Variants in GPRC5B observed in about 807,000 individuals in gnomAD.
GPRC5B encodes G protein-coupled receptor class C group 5 member B.
In GPRC5B, 16 loss-of-function variants were observed where a neutral mutation model predicts 30.1. The ratio of observed to expected loss-of-function variants is 0.53; its 90% CI spans 0.36 to 0.81. The LOEUF is 0.81. Among genes scored for constraint, GPRC5B ranks in the 30% least tolerant of loss-of-function variants. GPRC5B has a pLI of 0.01. For synonymous variants in GPRC5B, 241 were observed against 239.5 expected, an observed-to-expected ratio of 1.01 and a Z score of -0.06; for missense variants, 428 against 544.7, an observed-to-expected ratio of 0.79 and a Z score of 2.13.
Position 19,857,420 on chromosome 16 carries a change from T to G in GPRC5B, c.*3080A>C, listed in dbSNP as rs2056575458. 1 of 439,648 alleles carries G rather than the reference T, an allele frequency of 2.3e-6. No homozygotes were observed. Among genetic ancestry groups the G allele is most frequent in the African/African-American group, 2.0e-5 (1 of 48,904 alleles). The allele number at this position is 439,648 out of a possible 1,614,324, so 27.2% of individuals were successfully genotyped here. On this transcript the variant is annotated 3_prime_UTR_variant, in exon 4 of 4. Coordinates refer to ENST00000300571, the MANE Select transcript of GPRC5B (RefSeq NM_016235.3). ...TATAGTCGTTTATGGTACATATTGA[T>G]TGTCTTGAAATTTCTTTAACTTCTT...
intron 2 of GPRC5B, among the ~76,000 whole-genome samples, chr16:19,871,042 G>T (rs571977105): frequency 1.3e-5 from 2 of 151,896 alleles, no homozygotes; most frequent in Non-Finnish European, 2.9e-5. Flanking sequence ...CCAGAGTTTT[G>T]GGAGGCTGAG....
rs757229231 is a variant in GPRC5B, at chr16:19,872,876, G to A, written c.-1-30C>T. 8.5e-6 allele frequency: 13 copies of A among 1,531,308 alleles called. No individual in the cohort carries two copies. The highest frequency in any genetic ancestry group is 5.1e-5 in the Admixed American group (3 of 58,298). 94.9% of individuals were successfully genotyped at this position (1,531,308 alleles called of 1,614,324 possible). On this transcript the variant is annotated intron_variant, in intron 1 of 3. Coordinates refer to ENST00000300571, the MANE Select transcript of GPRC5B (RefSeq NM_016235.3). This position sits in a 1 kb window ranked among gnomAD's most constrained non-coding sequence, Gnocchi z 5.0. ...AAAAGCCAAGAGGGGAATGGTTGGG[G>A]GGAAGGAAAGATGAATTCATTGGAA...
At chr16:19,870,065 A>G (rs1306573955) in intron 2 of GPRC5B, among the ~76,000 whole-genome samples, 1 of 152,034 alleles carries the variant, frequency 6.6e-6, no homozygotes, top group Non-Finnish European at 1.5e-5. Context: ...ACAGAGCGAG[A>G]CTCAATCCAT....
chr16:19,862,136 C>G, intron 2 of GPRC5B, 163 bp from the exon 3 acceptor site: 1 of 628,954 alleles, frequency 1.6e-6, no homozygotes, highest in Non-Finnish European at 2.8e-6. Context: ...CACAAAGGGG[C>G]TTTGTTCTCA....
chr16:19,875,414 T>C (rs572992509), intron 1 of GPRC5B, among the ~76,000 whole-genome samples: 8 of 152,366 alleles, frequency 5.3e-5, no homozygotes, highest in African/African-American at 9.6e-5. Context: ...GGTTATTTAC[T>C]TAACTTTTGA....
Position 19,872,652 on chromosome 16 carries a change from GC to G in GPRC5B, c.193del (p.Ala65ArgfsTer4). 6.2e-7 allele frequency: 1 copy of G among 1,613,988 alleles called. No individual in the cohort carries two copies. The highest frequency in any genetic ancestry group is 8.5e-7 in the Non-Finnish European group (1 of 1,179,880). ...CAGGAGCAGTGTGATCAGGGCGCCC[GC>G]CCCGGCCACCGCCTCCACCACAATG... is the stretch of plus-strand genomic sequence containing the variant. ...WGIVVEAVAG[A>X]GALITLLLML... is the part of the protein sequence containing the mutation. On this transcript the variant is annotated frameshift_variant, in exon 2 of 4. Transcript: ENST00000300571. LOFTEE classifies it high-confidence loss of function. The surrounding 1 kb of genome is among the most constrained non-coding windows in gnomAD (Gnocchi z 5.0).
intron 2 of GPRC5B, among the ~76,000 whole-genome samples, chr16:19,864,517 G>A (rs2056651605): frequency 6.6e-6 from 1 of 152,276 alleles, no homozygotes; most frequent in East Asian, 1.9e-4. Context: ...TCACTCAGTG[G>A]AAGGATATAG....
intron 1 of GPRC5B, among the ~76,000 whole-genome samples, chr16:19,875,878 A>T (rs2056756074): frequency 6.6e-6 from 1 of 152,228 alleles, no homozygotes; most frequent in Non-Finnish European, 1.5e-5. Flanking sequence ...TTGGAGAAAC[A>T]TCATCCTAGC....
At chr16:19,867,835 A>C (rs551507319) in intron 2 of GPRC5B, among the ~76,000 whole-genome samples, 26 of 152,162 alleles carry the variant, frequency 1.7e-4, no homozygotes, top group Non-Finnish European at 2.8e-4. Context: ...GCAGATCGTG[A>C]GGTCAGGAGT....
chr16:19,877,125 A>G (rs533215374), intron 1 of GPRC5B, among the ~76,000 whole-genome samples: 1 of 152,346 alleles, frequency 6.6e-6, no homozygotes, highest in East Asian at 1.9e-4. Flanking sequence ...GTCTGAGAGT[A>G]AAGCTGTCCC....
chr16:19,868,078 C>T (rs1597626311), intron 2 of GPRC5B, among the ~76,000 whole-genome samples: 1 of 149,550 alleles, frequency 6.7e-6, no homozygotes, highest in Non-Finnish European at 1.5e-5. Context: ...AAAAACAAAA[C>T]AAAACGAAAA....
At chr16:19,884,233 AC>A (rs1382401873) in intron 1 of GPRC5B, among the ~76,000 whole-genome samples, 3 of 127,700 alleles carry the variant, frequency 2.3e-5, no homozygotes, top group Non-Finnish European at 5.0e-5. Flanking sequence ...TGCGGGCTTG[AC>A]CCCCAGCCCC....
chr16:19,870,678 A>C (rs183452), intron 2 of GPRC5B, among the ~76,000 whole-genome samples: 53,291 of 152,112 alleles, frequency 0.35, 9,528 homozygotes, highest in African/African-American at 0.41. Context: ...ACATGGGTTG[A>C]AGACTCAAAT....
Position 19,872,021 on chromosome 16 carries a change from C to T in GPRC5B, c.825G>A (p.Thr275=), listed in dbSNP as rs138370922. 42 of 1,613,912 alleles carry T rather than the reference C, an allele frequency of 2.6e-5. 1 individual carries two copies. Among genetic ancestry groups the T allele is most frequent in the South Asian group, 1.8e-4 (16 of 91,070 alleles). Residue 275 remains threonine (T), a synonymous_variant, in exon 2 of 4, where the codon ACG becomes ACA. Coordinates refer to ENST00000300571, the MANE Select transcript of GPRC5B (RefSeq NM_016235.3). The surrounding 1 kb of genome is among the most constrained non-coding windows in gnomAD (Gnocchi z 5.0). ...DAWNDPTLAI[T]LAASGWVFVI... ...CGAAGACCCAGCCGCTGGCCGCCAGCGTGATGGCCAAGGTGGGGTCGTTCC... is the reference window on the plus strand; with the variant it reads ...CGAAGACCCAGCCGCTGGCCGCCAGTGTGATGGCCAAGGTGGGGTCGTTCC...
chr16:19,872,767 C>A lies in GPRC5B; in HGVS notation c.79G>T (p.Ala27Ser). The change falls in exon 2 of 4, where the codon GCC (alanine) becomes TCC (serine). Residue 27 changes from alanine to serine, a missense_variant. Ala to Ser is a moderately conservative substitution (Grantham distance 99). Transcript: ENST00000300571. This position sits in a 1 kb window ranked among gnomAD's most constrained non-coding sequence, Gnocchi z 5.0. ...FLLLFVITSV[A>S]SENASTSRGC... Reference sequence around the variant, plus strand: ...CGGGATGTGCTGGCGTTTTCAGAGGCCACCGAGGTGATCACGAAGAGCAGG... The same window carrying A: ...CGGGATGTGCTGGCGTTTTCAGAGGACACCGAGGTGATCACGAAGAGCAGG... 1.9e-6 allele frequency: 3 copies of A among 1,613,572 alleles called. No homozygotes were observed.
rs970835919 is a variant in GPRC5B at position 19,872,363 on chromosome 16, C to T, written c.483G>A (p.Gln161=). 1.1e-5 allele frequency: 17 copies of T among 1,613,516 alleles called. No homozygotes were observed. The highest frequency in any genetic ancestry group is 6.7e-5 in the Admixed American group (4 of 59,978). The change falls in exon 2 of 4, where the codon CAG becomes CAA. Residue 161 remains glutamine, a synonymous_variant. Coordinates refer to ENST00000300571, the MANE Select transcript of GPRC5B (RefSeq NM_016235.3). The surrounding 1 kb of genome is among the most constrained non-coding windows in gnomAD (Gnocchi z 5.0). ...VRHGTGPAGW[Q]LVGLALCLML... is the part of the protein sequence containing the mutation. ...TCAGGCACAGCGCCAGGCCCACCAG[C>T]TGCCAGCCCGCGGGGCCCGTGCCAT...
upstream of GPRC5B, chr16:19,884,911 G>GCGGCCC (rs1201848116): frequency 2.1e-6 from 2 of 959,540 alleles, no homozygotes; most frequent in East Asian, 1.2e-4. Flanking sequence ...TGCAGCGGCC[G>GCGGCCC]CGGCCCCGCC....
At chr16:19,884,659 T>C in intron 1 of GPRC5B, 68 bp downstream of exon 1, 4 of 978,228 alleles carry the variant, frequency 4.1e-6, no homozygotes, top group Non-Finnish European at 4.9e-6. Context: ...TTCTCCCAAA[T>C]CCACGGCGGG....
chr16:19,879,313 C>T (rs998244353), intron 1 of GPRC5B, among the ~76,000 whole-genome samples: 1 of 152,192 alleles, frequency 6.6e-6, no homozygotes, highest in African/African-American at 2.4e-5. Context: ...TGAACGAATG[C>T]ACAAGACTCA....
Sources: gnomAD v4.1 joint callset for allele counts (sites outside exome capture counted in the v4.1 genomes callset) on GRCh38, gnomAD v4.1.1 for gene constraint, Gnocchi (gnomAD v3.1) non-coding constraint, MANE v1.5 for transcripts, NCBI Gene and HGNC (gene_info 2026-07-23, HGNC 2026-07-21) for gene names.